Variants in GPR173 observed in about 807,000 individuals in gnomAD.
GPR173 encodes the protein G protein-coupled receptor 173.
A neutral mutation model predicts 13.9 loss-of-function variants in GPR173; 2 were observed. That is an observed-to-expected ratio of 0.14 (90% CI 0.06 to 0.45). The LOEUF is 0.45. Among genes scored for constraint, GPR173 ranks in the 20% least tolerant of loss-of-function variants. The pLI is 0.98. For synonymous variants in GPR173, 131 were observed against 141.0 expected (o/e 0.93, Z 0.50); for missense variants, 202 against 340.5 (o/e 0.59, Z 3.20).
chrX:53,073,023 G>C (rs1166241693), intron 1 of GPR173, among the ~76,000 whole-genome samples: 1 of 111,098 alleles, frequency 9.0e-6, no homozygotes, highest in Non-Finnish European at 1.9e-5. Flanking sequence ...ACAAGTTGGA[G>C]ACCAGCCTGG....
At chrX:53,062,254 C>T (rs1556803874) in intron 1 of GPR173, among the ~76,000 whole-genome samples, 1 of 110,620 alleles carries the variant, frequency 9.0e-6, no homozygotes, top group African/African-American at 3.3e-5. Flanking sequence ...CCATGTCCTT[C>T]TCATGTCTAA....
chrX:53,049,935 GGTGTGTGT>G lies in GPR173; in HGVS notation c.-98+485_-98+492del, dbSNP rs782209160. Among the ~76,000 whole-genome samples, 13 of 93,012 alleles carry G rather than the reference GGTGTGTGT, an allele frequency of 1.4e-4. No homozygotes were observed. The East Asian group carries it at 1.6e-3, about 12-fold the overall frequency. The allele number at this position is 93,012 out of a possible 115,157, so 80.8% of individuals were successfully genotyped here. ...TCCAGGATCCCTGGCCTGCTGGCCGGGTGTGTGTGTGTGTGTGTGTGTGTGTGTGTGTG... is the reference window on the plus strand; with the variant it reads ...TCCAGGATCCCTGGCCTGCTGGCCGGGTGTGTGTGTGTGTGTGTGTGTGTG... On this transcript the variant is annotated intron_variant, in intron 1 of 1. Coordinates refer to ENST00000332582, the MANE Select transcript of GPR173 (RefSeq NM_018969.6).
In GPR173 at chrX:53,059,356, G is replaced by A. The variant is rs182642244; in HGVS notation, c.-98+9872G>A. ...CGCCCAGGCTGGAGTGCAGTGGCCC[G>A]GTCTCAGCTCACTGCAACCTCCGCC... On this transcript the variant is annotated intron_variant, in intron 1 of 1. Transcript: ENST00000332582. Among the ~76,000 whole-genome samples, 524 of 107,859 alleles carry A rather than the reference G, an allele frequency of 4.9e-3. 3 individuals carry two copies. Among genetic ancestry groups the A allele is most frequent in the African/African-American group, 0.017 (493 of 29,814 alleles). 93.7% of individuals were successfully genotyped at this position (107,859 alleles called of 115,157 possible).
At position 53,061,991 on chromosome X, in the gene GPR173, AAGAAGAGAAG is replaced by A. The variant is rs1556803835; in HGVS notation, c.-98+12529_-98+12538del. 3.4e-3 allele frequency among the ~76,000 whole-genome samples: 362 copies of A among 105,541 alleles called. 1 individual carries two copies. Among genetic ancestry groups the A allele is most frequent in the Non-Finnish European group, 5.4e-3 (278 of 51,868 alleles). 91.6% of individuals were successfully genotyped at this position (105,541 alleles called of 115,157 possible). On this transcript the variant is annotated intron_variant, in intron 1 of 1. Coordinates refer to ENST00000332582, the MANE Select transcript of GPR173 (RefSeq NM_018969.6). ...AGAGAAGAGAAGGGAAGGGAAGAGA[AAGAAGAGAAG>A]AGAAGAGAAGAGAAGAGAAGAAAAG...
In GPR173 at chrX:53,077,864, C is replaced by T. The variant is rs931730004; in HGVS notation, c.*121C>T. 5.1e-5 allele frequency: 28 copies of T among 547,012 alleles called. No homozygotes were observed. The highest frequency in any genetic ancestry group is 7.7e-5 in the Non-Finnish European group (26 of 337,632). The allele number at this position is 547,012 out of a possible 1,213,427, so 45.1% of individuals were successfully genotyped here. A position where few individuals can be genotyped will look rare whatever the true frequency, so the allele number is the denominator to read the frequency against. On this transcript the variant is annotated 3_prime_UTR_variant, in exon 2 of 2. Transcript: ENST00000332582. ...TTTCTGAGCTCCAGCCCCAGCCCCTCGAACCACCTGTAATCTAGGCACCTT... is the reference window on the plus strand; with the variant it reads ...TTTCTGAGCTCCAGCCCCAGCCCCTTGAACCACCTGTAATCTAGGCACCTT...
chrX:53,050,088 A>C (rs1602086582), intron 1 of GPR173, among the ~76,000 whole-genome samples: 1 of 102,392 alleles, frequency 9.8e-6, no homozygotes, highest in African/African-American at 3.6e-5. Context: ...CACCCTCCCC[A>C]CCTCCCCATC....
intron 1 of GPR173, among the ~76,000 whole-genome samples, 187 bp downstream of exon 1, chrX:53,049,671 T>A (rs1556802444): frequency 8.9e-6 from 1 of 112,121 alleles, no homozygotes; most frequent in Non-Finnish European, 1.9e-5. Context: ...TCCCCCCATC[T>A]TCCCCAATCC....
chrX:53,072,791 C>G (rs1264212423), intron 1 of GPR173, among the ~76,000 whole-genome samples: 1 of 111,566 alleles, frequency 9.0e-6, no homozygotes, highest in Non-Finnish European at 1.9e-5. Flanking sequence ...GCGGGCTGTT[C>G]CACAGTCTGA....
rs190129052 is a variant in GPR173 at position 53,068,113 on chromosome X, G to T, written c.-97-8412G>T. On this transcript the variant is annotated intron_variant, in intron 1 of 1. Coordinates refer to ENST00000332582, the MANE Select transcript of GPR173 (RefSeq NM_018969.6). Reference sequence around the variant, plus strand: ...ATACTGAAATACTTAAGGATGAAATGATATAACAGATATGCTTCAGAATAC... The same window carrying T: ...ATACTGAAATACTTAAGGATGAAATTATATAACAGATATGCTTCAGAATAC... 2.0e-4 allele frequency among the ~76,000 whole-genome samples: 22 copies of T among 111,458 alleles called. No individual in the cohort carries two copies. In the East Asian group the frequency reaches 6.2e-3, roughly 31 times the overall value.
chrX:53,065,523 T>C (rs1932173669), intron 1 of GPR173: 1 of 112,081 alleles, frequency 8.9e-6, no homozygotes, highest in East Asian at 2.8e-4. Context: ...CCTTTTATAA[T>C]TCTCTTGTTC....
At chrX:53,055,838 T>C (rs1452135548) in intron 1 of GPR173, among the ~76,000 whole-genome samples, 1 of 107,771 alleles carries the variant, frequency 9.3e-6, no homozygotes, top group Admixed American at 1.0e-4. Context: ...GCTGTGAGAG[T>C]GGGGCTGTAT....
Position 53,059,876 on chromosome X carries a change from C to T in GPR173, c.-98+10392C>T, listed in dbSNP as rs192714286. Among the ~76,000 whole-genome samples, 3 of 105,619 alleles carry T rather than the reference C, an allele frequency of 2.8e-5. No individual in the cohort carries two copies. In the East Asian group the frequency reaches 8.9e-4, roughly 31 times the overall value. 91.7% of individuals were successfully genotyped at this position (105,619 alleles called of 115,157 possible). On this transcript the variant is annotated intron_variant, in intron 1 of 1. Coordinates refer to ENST00000332582, the MANE Select transcript of GPR173 (RefSeq NM_018969.6). ...TGGTGGCACATGCCTGTAGTCCCAGCGACTTGGGAGGCTGAGGTGAGAGGA... is the reference window on the plus strand; with the variant it reads ...TGGTGGCACATGCCTGTAGTCCCAGTGACTTGGGAGGCTGAGGTGAGAGGA...
chrX:53,074,496 C>A (rs868946675), intron 1 of GPR173, among the ~76,000 whole-genome samples: 2 of 10,073 alleles, frequency 2.0e-4, no homozygotes, highest in Non-Finnish European at 2.9e-4. Context: ...TTATAAATAA[C>A]TATAAATATA....
intron 1 of GPR173, among the ~76,000 whole-genome samples, chrX:53,058,424 CGTGTGTGTGTGTGTGTGTGT>C (rs112505843): frequency 9.9e-6 from 1 of 100,935 alleles, no homozygotes. Context: ...TCCAGGTGCA[CGTGTGTGTGTGTGTGTGTGT>C]GTGTGTGTGT....
At chrX:53,065,752 C>A (rs1452942399) in intron 1 of GPR173, among the ~76,000 whole-genome samples, 1 of 111,883 alleles carries the variant, frequency 8.9e-6, no homozygotes, top group African/African-American at 3.2e-5. Flanking sequence ...AGGGAGGATT[C>A]TTTTTTAAAT....
intron 1 of GPR173, among the ~76,000 whole-genome samples, chrX:53,056,295 T>C (rs1315333632): frequency 5.5e-5 from 6 of 109,152 alleles, no homozygotes; most frequent in African/African-American, 2.0e-4. Context: ...GTATCAGTGT[T>C]GGGTATATGT....
intron 1 of GPR173, among the ~76,000 whole-genome samples, chrX:53,075,517 C>G (rs999907281): frequency 3.7e-5 from 4 of 106,774 alleles, no homozygotes; most frequent in Non-Finnish European, 7.7e-5. Context: ...ATACCTAGAA[C>G]AGTGCCTGGC....
At chrX:53,061,979 G>A (rs1932131308) in intron 1 of GPR173, among the ~76,000 whole-genome samples, 1 of 85,991 alleles carries the variant, frequency 1.2e-5, no homozygotes, top group Non-Finnish European at 2.1e-5. Context: ...GAAGAGAAGG[G>A]AAGGGAAGAG....
chrX:53,074,650 A>C (rs1556805548), intron 1 of GPR173, among the ~76,000 whole-genome samples: 1 of 77,721 alleles, frequency 1.3e-5, no homozygotes, highest in East Asian at 3.9e-4. Context: ...ATAAATAACT[A>C]TAAATATAGA....
Sources: allele counts gnomAD v4.1 joint callset (sites outside exome capture counted in the v4.1 genomes callset), GRCh38; gene constraint gnomAD v4.1.1; transcripts MANE v1.5; gene names NCBI Gene and HGNC (gene_info 2026-07-23, HGNC 2026-07-21).